Variants in FGF12 observed in about 807,000 individuals in gnomAD.
FGF12 encodes fibroblast growth factor 12.
Under a neutral mutation model 23.6 loss-of-function variants are expected in FGF12, and 14 were observed. That is an observed-to-expected ratio of 0.59 (90% confidence interval 0.39 to 0.93). The LOEUF (loss-of-function observed/expected upper bound fraction) is 0.93, where lower values mean the gene tolerates loss of function less well. Among genes scored for constraint, FGF12 ranks in the 40% least tolerant of loss-of-function variants. The pLI is 0.00. For synonymous variants in FGF12, 62 were observed against 77.3 expected, an observed-to-expected ratio of 0.80 and a Z score of 1.04; for missense variants, 175 against 217.8, an observed-to-expected ratio of 0.80 and a Z score of 1.24.
At chr3:192,412,392 C>A (rs941981709) in intron 2 of FGF12, among the ~76,000 whole-genome samples, 1 of 152,160 alleles carries the variant, frequency 6.6e-6, no homozygotes, top group African/African-American at 2.4e-5. Context: ...GTTTGAAGTT[C>A]TCCTCTCTGT....
intron 4 of FGF12, among the ~76,000 whole-genome samples, chr3:192,237,157 G>C (rs1038024914): frequency 6.6e-6 from 1 of 152,170 alleles, no homozygotes. Flanking sequence ...GCTGAATATA[G>C]GACCCTGATC....
intron 2 of FGF12, among the ~76,000 whole-genome samples, chr3:192,511,883 A>C (rs1354588376): frequency 6.6e-6 from 1 of 152,180 alleles, no homozygotes; most frequent in Non-Finnish European, 1.5e-5. Flanking sequence ...TTCATATCTG[A>C]TAATGTAGAG....
chr3:192,186,870 T>C (rs1325152406), intron 4 of FGF12, among the ~76,000 whole-genome samples: 2 of 152,222 alleles, frequency 1.3e-5, no homozygotes, highest in Admixed American at 6.5e-5. Context: ...CCCTGAAATG[T>C]ACCAACACAC....
intron 2 of FGF12, among the ~76,000 whole-genome samples, chr3:192,436,998 A>C (rs1290122247): frequency 6.6e-6 from 1 of 152,186 alleles, no homozygotes; most frequent in Non-Finnish European, 1.5e-5. Context: ...CTTTCTAAAA[A>C]TTAGAGGCTA....
intron 2 of FGF12, among the ~76,000 whole-genome samples, chr3:192,472,151 G>A (rs1292988674): frequency 6.6e-6 from 1 of 152,024 alleles, no homozygotes; most frequent in Non-Finnish European, 1.5e-5. Flanking sequence ...TGAGTAGCTG[G>A]GACTACAGGC....
chr3:192,173,361 A>C (rs964141371), intron 4 of FGF12, among the ~76,000 whole-genome samples: 3 of 150,854 alleles, frequency 2.0e-5, no homozygotes, highest in African/African-American at 7.3e-5. Flanking sequence ...AAACTATTGC[A>C]CATTCCTTGC....
At chr3:192,407,442 G>GA (rs1721008135) in intron 2 of FGF12, among the ~76,000 whole-genome samples, 1 of 152,160 alleles carries the variant, frequency 6.6e-6, no homozygotes, top group Non-Finnish European at 1.5e-5. Flanking sequence ...GAGCATGAGG[G>GA]AAAAATGAAG....
intron 4 of FGF12, among the ~76,000 whole-genome samples, chr3:192,196,356 G>T (rs1051122420): frequency 1.3e-5 from 2 of 152,130 alleles, no homozygotes; most frequent in African/African-American, 2.4e-5. Flanking sequence ...TGGGTAAATA[G>T]CACATTTTTT....
intron 3 of FGF12, among the ~76,000 whole-genome samples, chr3:192,359,432 C>T (rs1292497496): frequency 3.3e-5 from 5 of 152,072 alleles, no homozygotes; most frequent in Admixed American, 6.6e-5. Context: ...AAATTACATC[C>T]ATCAGAATCA....
chr3:192,230,783 A>T (rs1436742139), intron 4 of FGF12, among the ~76,000 whole-genome samples: 1 of 152,002 alleles, frequency 6.6e-6, no homozygotes, highest in Admixed American at 6.6e-5. Context: ...TTTTAATAGG[A>T]TTAGAGGACA....
At chr3:192,290,109 G>T (rs916945600) in intron 4 of FGF12, among the ~76,000 whole-genome samples, 1 of 152,028 alleles carries the variant, frequency 6.6e-6, no homozygotes, top group African/African-American at 2.4e-5. Flanking sequence ...ATGAGAATAA[G>T]TTTTGAGATC....
chr3:192,486,617 G>A lies in FGF12; in HGVS notation c.14-126079C>T, dbSNP rs376199489. Among the ~76,000 whole-genome samples the A allele has an allele frequency of 7.9e-5, 12 of 152,224 alleles. 1 individual carries two copies. The highest frequency in any genetic ancestry group is 5.2e-4 in the Admixed American group (8 of 15,284). ...GTGAGCAGGAGGAAGAAGAGCATGA[G>A]ACAAGGTCACAGAGGTAAGCAAGAC... On this transcript the variant is annotated intron_variant, in intron 2 of 5. Transcript: ENST00000445105.
At chr3:192,628,665 T>C (rs981950331) in intron 2 of FGF12, among the ~76,000 whole-genome samples, 1 of 149,850 alleles carries the variant, frequency 6.7e-6, no homozygotes, top group African/African-American at 2.4e-5. Context: ...ATAGCAAATA[T>C]ATACATTAAA....
At chr3:192,327,706 A>G (rs1716893669) in intron 4 of FGF12, among the ~76,000 whole-genome samples, 2 of 151,912 alleles carry the variant, frequency 1.3e-5, no homozygotes, top group South Asian at 4.2e-4. Flanking sequence ...AATTATACAA[A>G]TTGCTTTTTT....
At chr3:192,223,893 T>G (rs1057376693) in intron 4 of FGF12, among the ~76,000 whole-genome samples, 1 of 152,118 alleles carries the variant, frequency 6.6e-6, no homozygotes, top group Non-Finnish European at 1.5e-5. Flanking sequence ...CTCTCCTGCC[T>G]AATGTAATAA....
At chr3:192,664,023 G>A (rs1214527078) in intron 2 of FGF12, among the ~76,000 whole-genome samples, 6 of 152,200 alleles carry the variant, frequency 3.9e-5, no homozygotes, top group Admixed American at 3.3e-4. Flanking sequence ...CCACTAGTAA[G>A]TGATAAAGCT....
intron 4 of FGF12, among the ~76,000 whole-genome samples, chr3:192,176,058 A>G (rs1405055864): frequency 6.6e-6 from 1 of 152,202 alleles, no homozygotes; most frequent in Non-Finnish European, 1.5e-5. Context: ...TTAAGATATA[A>G]ACACCATCAA....
chr3:192,475,101 C>A (rs1723280607), intron 2 of FGF12, among the ~76,000 whole-genome samples: 1 of 152,128 alleles, frequency 6.6e-6, no homozygotes, highest in East Asian at 1.9e-4. Context: ...AATTGAGTTT[C>A]TGTATCTCAA....
At chr3:192,618,515 G>A (rs1366088674) in intron 2 of FGF12, among the ~76,000 whole-genome samples, 1 of 152,106 alleles carries the variant, frequency 6.6e-6, no homozygotes, top group African/African-American at 2.4e-5. Flanking sequence ...AAGATGAGAA[G>A]AGTTAGTTAA....
Sources: allele counts gnomAD v4.1 joint callset (sites outside exome capture counted in the v4.1 genomes callset), GRCh38; gene constraint gnomAD v4.1.1; transcripts MANE v1.5; gene names NCBI Gene and HGNC (gene_info 2026-07-23, HGNC 2026-07-21).